The following CNTFR variants were observed in gnomAD, a reference collection of about 807,000 sequenced individuals.
The protein encoded by CNTFR is ciliary neurotrophic factor receptor.
A neutral mutation model predicts 40.4 loss-of-function variants in CNTFR; 12 were observed. That is an observed-to-expected ratio of 0.30 (90% CI 0.19 to 0.48). The LOEUF is 0.48. Among genes scored for constraint, CNTFR ranks in the 20% least tolerant of loss-of-function variants. The probability of loss-of-function intolerance (pLI) is 0.99; values close to 1 mark genes in which losing one functional copy is unlikely to be tolerated. For synonymous variants in CNTFR, 202 were observed against 209.6 expected (o/e 0.96, Z 0.31); for missense variants, 414 against 506.8 (o/e 0.82, Z 1.76).
At chr9:34,586,870 G>A (rs1827568925) in intron 1 of CNTFR, among the ~76,000 whole-genome samples, 2 of 152,182 alleles carry the variant, frequency 1.3e-5, no homozygotes, top group Non-Finnish European at 2.9e-5. Flanking sequence ...AGATCCTGTA[G>A]CAGTCTCTGT....
chr9:34,573,570 T>A (rs888645185), intron 2 of CNTFR, among the ~76,000 whole-genome samples: 1 of 152,120 alleles, frequency 6.6e-6, no homozygotes, highest in Non-Finnish European at 1.5e-5. Flanking sequence ...TTGCCAGGCG[T>A]CAGGGTGGGT....
chr9:34,588,698 G>A (rs1045205307), intron 1 of CNTFR, among the ~76,000 whole-genome samples: 9 of 151,666 alleles, frequency 5.9e-5, no homozygotes, highest in Non-Finnish European at 1.0e-4. Context: ...ACTGGAGGGG[G>A]GAGGGGGACA....
chr9:34,576,384 C>T (rs931866736), intron 2 of CNTFR, among the ~76,000 whole-genome samples: 11 of 152,330 alleles, frequency 7.2e-5, no homozygotes, highest in Admixed American at 5.9e-4. Flanking sequence ...CCATTGTACA[C>T]TTCCAGAAGC....
chr9:34,560,393 C>T (rs1319506394), intron 4 of CNTFR, among the ~76,000 whole-genome samples: 2 of 151,970 alleles, frequency 1.3e-5, no homozygotes, highest in African/African-American at 2.4e-5. Context: ...TGTGTTTGCA[C>T]GTGACTCAGG....
chr9:34,557,810 G>T lies in CNTFR; in HGVS notation c.437+57C>A. 6.5e-7 allele frequency: 1 copy of T among 1,541,984 alleles called. No homozygotes were observed. Among genetic ancestry groups the T allele is most frequent in the Non-Finnish European group, 8.9e-7 (1 of 1,127,026 alleles). ...GTATGGACAGAGGGCATGGTGGTGG[G>T]ATGGGGGAGAGGTCAGAGGTCAGGG... is the stretch of plus-strand genomic sequence containing the variant. On this transcript the variant is annotated intron_variant, in intron 5 of 9. Transcript: ENST00000378980. The surrounding 1 kb of genome is among the most constrained non-coding windows in gnomAD (Gnocchi z 4.2).
At chr9:34,588,727 C>CG (rs1254804811) in intron 1 of CNTFR, among the ~76,000 whole-genome samples, 1 of 152,166 alleles carries the variant, frequency 6.6e-6, no homozygotes, top group Non-Finnish European at 1.5e-5. Context: ...AGCAAGCGAG[C>CG]GAGCTAACGC....
intron 3 of CNTFR, 141 bp downstream of exon 3, chr9:34,568,756 T>A (rs1284676141): frequency 2.5e-5 from 18 of 720,106 alleles, no homozygotes; most frequent in Non-Finnish European, 3.8e-5. Context: ...CAGTGTCACA[T>A]GACTCCATGT....
At chr9:34,580,525 G>A (rs183469298) in intron 2 of CNTFR, among the ~76,000 whole-genome samples, 33 of 152,338 alleles carry the variant, frequency 2.2e-4, no homozygotes, top group Middle Eastern at 3.4e-3. Context: ...TGAAAAGCCC[G>A]GCCGGCCTTT....
chr9:34,551,865 C>A lies in CNTFR; in HGVS notation c.*206G>T. On this transcript the variant is annotated 3_prime_UTR_variant, in exon 10 of 10. Coordinates refer to ENST00000378980, the MANE Select transcript of CNTFR (RefSeq NM_147164.3). ...GTGGGTTAGCTGCATGGCCCACCTC[C>A]CCTGAGGGAGGAAGGAGGGCCAGCT... 1.5e-6 allele frequency: 1 copy of A among 675,664 alleles called. No homozygotes were observed. The highest frequency in any genetic ancestry group is 1.8e-5 in the African/African-American group (1 of 56,704). The allele number at this position is 675,664 out of a possible 1,614,324, so 41.9% of individuals were successfully genotyped here.
In CNTFR at chr9:34,569,037, C is replaced by T. The variant is rs777525169; in HGVS notation, c.1-56G>A. 1.5e-4 allele frequency: 222 copies of T among 1,476,382 alleles called. 1 individual carries two copies. The highest frequency in any genetic ancestry group is 1.0e-3 in the South Asian group (84 of 82,718). 91.5% of individuals were successfully genotyped at this position (1,476,382 alleles called of 1,614,324 possible). ...TCAGCATCAGCCCAGGCAGGACTGT[C>T]CTGGGGAGCCCCTCCTGTTCTCAGG... On this transcript the variant is annotated intron_variant, in intron 2 of 9. Coordinates refer to ENST00000378980, the MANE Select transcript of CNTFR (RefSeq NM_147164.3).
chr9:34,577,811 G>C (rs1263521587), intron 2 of CNTFR, among the ~76,000 whole-genome samples: 3 of 151,336 alleles, frequency 2.0e-5, no homozygotes, highest in African/African-American at 2.4e-5. Context: ...GCAGAGGCAG[G>C]GGGGCTGGGG....
At chr9:34,556,570 C>G (rs1156573606) in intron 6 of CNTFR, 152 bp from the exon 7 acceptor site, 2 of 703,518 alleles carry the variant, frequency 2.8e-6, no homozygotes, top group Non-Finnish European at 4.6e-6. Flanking sequence ...ATTCTGATAA[C>G]TACCATAGAC....
At position 34,552,900 on chromosome 9, in the gene CNTFR, A is replaced by G. The variant is rs776309694; in HGVS notation, c.769-46T>C. 2.5e-6 allele frequency: 4 copies of G among 1,585,336 alleles called. No homozygotes were observed. The South Asian group carries it at 4.5e-5, about 18-fold the overall frequency. On this transcript the variant is annotated intron_variant, in intron 7 of 9. Coordinates refer to ENST00000378980, the MANE Select transcript of CNTFR (RefSeq NM_147164.3). This position sits in a 1 kb window ranked among gnomAD's most constrained non-coding sequence, Gnocchi z 5.1. ...GGGGGTAAGGACACACCTGGGGGCC[A>G]GGAGGGTGAGGTCCCTCCAGAGGAA...
At chr9:34,574,607 C>T (rs1826860228) in intron 2 of CNTFR, among the ~76,000 whole-genome samples, 1 of 152,216 alleles carries the variant, frequency 6.6e-6, no homozygotes, top group African/African-American at 2.4e-5. Flanking sequence ...GGAGTGGTCC[C>T]CCAGCTCTCG....
intron 1 of CNTFR, among the ~76,000 whole-genome samples, chr9:34,588,380 C>T (rs1827627637): frequency 6.6e-6 from 1 of 152,170 alleles, no homozygotes; most frequent in Admixed American, 6.5e-5. Flanking sequence ...GTGTTTCAGG[C>T]CCCTCGGACA....
At chr9:34,575,718 C>A (rs1826923589) in intron 2 of CNTFR, among the ~76,000 whole-genome samples, 1 of 109,068 alleles carries the variant, frequency 9.2e-6, no homozygotes, top group African/African-American at 3.6e-5. Flanking sequence ...GGGGTGGGGG[C>A]AGCAGTGCAT....
At chr9:34,581,822 A>G (rs1214353849) in intron 1 of CNTFR, among the ~76,000 whole-genome samples, 1 of 152,146 alleles carries the variant, frequency 6.6e-6, no homozygotes, top group Non-Finnish European at 1.5e-5. Context: ...CTAGTTCCAA[A>G]ACCTTGCTGC....
At position 34,551,848 on chromosome 9, in the gene CNTFR, G is replaced by C; in HGVS notation, c.*223C>G. The C allele has an allele frequency of 1.5e-6, 1 of 653,028 alleles. No individual in the cohort carries two copies. Among genetic ancestry groups the C allele is most frequent in the Non-Finnish European group, 2.8e-6 (1 of 361,626 alleles). 40.5% of individuals were successfully genotyped at this position (653,028 alleles called of 1,614,324 possible). A position where few individuals can be genotyped will look rare whatever the true frequency, so the allele number is the denominator to read the frequency against. ...GAGGGGGTCTTTGGTGGGTGGGTTA[G>C]CTGCATGGCCCACCTCCCCTGAGGG... On this transcript the variant is annotated 3_prime_UTR_variant, in exon 10 of 10. Transcript: ENST00000378980.
At chr9:34,574,416 G>A (rs1276557865) in intron 2 of CNTFR, among the ~76,000 whole-genome samples, 2 of 152,214 alleles carry the variant, frequency 1.3e-5, no homozygotes, top group Admixed American at 6.5e-5. Flanking sequence ...GCTCCAAGCT[G>A]TGCCTGGGTT....
Sources: allele counts gnomAD v4.1 joint callset (sites outside exome capture counted in the v4.1 genomes callset), GRCh38; gene constraint gnomAD v4.1.1; non-coding constraint Gnocchi (gnomAD v3.1); transcripts MANE v1.5; gene names NCBI Gene and HGNC (gene_info 2026-07-23, HGNC 2026-07-21).